Variants in QTRT2 observed in about 807,000 individuals in gnomAD.
The protein encoded by QTRT2 is queuine tRNA-ribosyltransferase domain containing 1.
In QTRT2, 32 loss-of-function variants were observed where a neutral mutation model predicts 44.8. That is an observed-to-expected ratio of 0.71 (90% CI 0.54 to 0.96). QTRT2 has a LOEUF of 0.96. Ranked by LOEUF, QTRT2 falls within the 40% of genes least tolerant of loss-of-function variation. The pLI is 0.00. For missense variants in QTRT2, 461 were observed against 503.1 expected (o/e 0.92, Z 0.80); for synonymous variants, 182 against 187.4 (o/e 0.97, Z 0.24).
At position 114,068,039 on chromosome 3, in the gene QTRT2, C is replaced by T. The variant is rs374681849; in HGVS notation, c.309C>T (p.Cys103=). 3.1e-5 allele frequency: 50 copies of T among 1,613,726 alleles called. No homozygotes were observed. In the Admixed American group the frequency reaches 8.2e-4, roughly 26 times the overall value. The change falls in exon 5 of 10, where the codon TGC becomes TGT. Residue 103 remains cysteine, a synonymous_variant. Coordinates refer to ENST00000281273, the MANE Select transcript of QTRT2 (RefSeq NM_024638.4). ...CCCTGCACGATCCAGTCAGCCCCTG[C>T]CCGGCTGGTTATGTAACAAACAAGG... The part of the protein sequence containing the change: ...YCSLHDPVSP[C]PAGYVTNKSV...
chr3:114,083,287 CTGT>C (rs1207398579), intron 9 of QTRT2, among the ~76,000 whole-genome samples: 37 of 144,678 alleles, frequency 2.6e-4, no homozygotes, highest in South Asian at 2.3e-3. Flanking sequence ...GTTGTTGTTG[CTGT>C]TGTTGTTGTT....
At chr3:114,076,338 GT>G (rs1451638897) in intron 6 of QTRT2, among the ~76,000 whole-genome samples, 6 of 151,892 alleles carry the variant, frequency 4.0e-5, no homozygotes, top group Non-Finnish European at 8.8e-5. Flanking sequence ...AGCTAATTTT[GT>G]TTTTTTATTT....
In QTRT2 at chr3:114,076,857, G is replaced by A. The variant is rs2077097914; in HGVS notation, c.661G>A (p.Gly221Ser). 1 of 1,614,068 alleles carries A rather than the reference G, an allele frequency of 6.2e-7. No homozygotes were observed. The highest frequency in any genetic ancestry group is 1.7e-5 in the Admixed American group (1 of 60,006). ...KRPVGGFLLD[G>S]FQGNPTTLEA... ...GCCTGTGGGTGGCTTCCTTCTGGATGGTTTTCAAGGAAATCCAACAACCCT... is the reference window on the plus strand; with the variant it reads ...GCCTGTGGGTGGCTTCCTTCTGGATAGTTTTCAAGGAAATCCAACAACCCT... The change falls in exon 7 of 10, where the codon GGT becomes AGT. Residue 221 changes from glycine (G) to serine (S), a missense_variant. Physicochemically the swap from Gly to Ser is moderately conservative, Grantham distance 56. Transcript: ENST00000281273.
intron 6 of QTRT2, among the ~76,000 whole-genome samples, chr3:114,075,756 G>A (rs2077082506): frequency 6.6e-6 from 1 of 152,002 alleles, no homozygotes; most frequent in Admixed American, 6.6e-5. Flanking sequence ...TGATCCACCT[G>A]CCTCGGCCTC....
At chr3:114,080,694 G>A (rs753799949) in intron 8 of QTRT2, among the ~76,000 whole-genome samples, 7 of 152,202 alleles carry the variant, frequency 4.6e-5, no homozygotes, top group Admixed American at 3.3e-4. Context: ...GGAGAGTGTC[G>A]CCTGCCCAGT....
chr3:114,076,029 AAC>A (rs1286968096), intron 6 of QTRT2, among the ~76,000 whole-genome samples: 1 of 152,192 alleles, frequency 6.6e-6, no homozygotes, highest in Non-Finnish European at 1.5e-5. Context: ...CAGTTGTCTC[AAC>A]AGTTTCTAAG....
chr3:114,064,730 A>G (rs916747160), intron 2 of QTRT2, among the ~76,000 whole-genome samples: 4 of 152,152 alleles, frequency 2.6e-5, no homozygotes, highest in African/African-American at 9.7e-5. Flanking sequence ...TTATTTTTCC[A>G]TATATTTTCA....
rs555649850 is a variant in QTRT2 at position 114,065,340 on chromosome 3, T to G, written c.83T>G (p.Met28Arg). ...KNLGKTGDHT[M>R]DIPGCLLYTK... The stretch of plus-strand genomic sequence containing the variant: ...CTGGGCAAAACAGGGGACCACACCA[T>G]GGATATTCCAGGCTGCCTTCTGTAT... Residue 28 changes from methionine (M) to arginine (R), a missense_variant, in exon 3 of 10, where the codon ATG (methionine) becomes AGG (arginine). Physicochemically the swap from Met to Arg is moderately conservative, Grantham distance 91. Transcript: ENST00000281273. 1 of 1,614,090 alleles carries G rather than the reference T, an allele frequency of 6.2e-7. No individual in the cohort carries two copies. The highest frequency in any genetic ancestry group is 2.2e-5 in the East Asian group (1 of 44,872).
chr3:114,081,552 C>T (rs1183589219), intron 8 of QTRT2, among the ~76,000 whole-genome samples: 4 of 152,142 alleles, frequency 2.6e-5, no homozygotes, highest in East Asian at 1.9e-4. Context: ...ATCCTCCCAC[C>T]TCAGCCTCCC....
chr3:114,077,578 T>C (rs796250652), intron 7 of QTRT2: 11 of 152,816 alleles, frequency 7.2e-5, no homozygotes, highest in African/African-American at 2.6e-4. Context: ...CCCACATTTT[T>C]TTTAATGGTT....
At chr3:114,057,341 C>T (rs1445320936) in intron 2 of QTRT2, 1 of 155,160 alleles carries the variant, frequency 6.4e-6, no homozygotes, top group Admixed American at 6.5e-5. Flanking sequence ...AATTCAACTA[C>T]TTTGTGGCTA....
At chr3:114,070,965 A>AT in intron 6 of QTRT2, 127 bp downstream of exon 6, 1 of 688,470 alleles carries the variant, frequency 1.5e-6, no homozygotes, top group Non-Finnish European at 2.4e-6. Flanking sequence ...TTTACTCTCT[A>AT]TTTTTATTTT....
intron 2 of QTRT2, among the ~76,000 whole-genome samples, chr3:114,060,541 T>TA (rs1559946213): frequency 1.4e-5 from 2 of 144,610 alleles, no homozygotes; most frequent in Admixed American, 1.4e-4. Flanking sequence ...GATAGATAGA[T>TA]AGATAAGATA....
intron 9 of QTRT2, 30 bp from the exon 10 acceptor site, chr3:114,085,643 T>G (rs769544858): frequency 6.3e-7 from 1 of 1,576,622 alleles, no homozygotes; most frequent in South Asian, 1.1e-5. Context: ...TTCCGTACTT[T>G]CTGGAATGTC....
At chr3:114,083,045 A>T in intron 9 of QTRT2, 1 of 451,312 alleles carries the variant, frequency 2.2e-6, no homozygotes, top group Non-Finnish European at 4.1e-6. Flanking sequence ...GATTAAACCA[A>T]ATCCATTGTT....
chr3:114,070,298 T>C (rs2077007427), intron 5 of QTRT2, among the ~76,000 whole-genome samples: 1 of 152,060 alleles, frequency 6.6e-6, no homozygotes, highest in African/African-American at 2.4e-5. Flanking sequence ...TACGGAACTG[T>C]CAGTCAAAAG....
intron 6 of QTRT2, 126 bp downstream of exon 6, chr3:114,070,964 T>A: frequency 1.4e-6 from 1 of 689,820 alleles, no homozygotes. Flanking sequence ...TTTTACTCTC[T>A]ATTTTTATTT....
Position 114,056,982 on chromosome 3 carries a change from T to A in QTRT2, c.-129-17T>A. 6.9e-7 allele frequency: 1 copy of A among 1,454,280 alleles called. No homozygotes were observed. The highest frequency in any genetic ancestry group is 9.0e-7 in the Non-Finnish European group (1 of 1,107,512). The allele number at this position is 1,454,280 out of a possible 1,614,324, so 90.1% of individuals were successfully genotyped here. A position where few individuals can be genotyped will look rare whatever the true frequency, so the allele number is the denominator to read the frequency against. ...GTGATTGTACTCCCGCCATGTCTCC[T>A]CTGCTTCCCTTTTCAGGGTGTCCTG... On this transcript the variant is annotated splice_polypyrimidine_tract_variant and intron_variant, in intron 1 of 9. Coordinates refer to ENST00000281273, the MANE Select transcript of QTRT2 (RefSeq NM_024638.4).
chr3:114,079,978 T>A lies in QTRT2; in HGVS notation c.819T>A (p.Ser273Arg), dbSNP rs763005927. 6.2e-7 allele frequency: 1 copy of A among 1,613,342 alleles called. No individual in the cohort carries two copies. The highest frequency in any genetic ancestry group is 1.7e-5 in the Admixed American group (1 of 59,948). ...CIERGVDLFE[S>R]FFPYQVTERG... is the part of the protein sequence containing the mutation. ...AAAGAGGAGTGGACTTATTTGAGAGTTTTTTCCCTTATCAAGTAACAGAGC... is the reference window on the plus strand; with the variant it reads ...AAAGAGGAGTGGACTTATTTGAGAGATTTTTCCCTTATCAAGTAACAGAGC... The change falls in exon 8 of 10, where the codon AGT (serine) becomes AGA (arginine). Residue 273 changes from serine (S) to arginine (R), a missense_variant. Coordinates refer to ENST00000281273, the MANE Select transcript of QTRT2 (RefSeq NM_024638.4).
Sources: gnomAD v4.1 joint callset for allele counts (sites outside exome capture counted in the v4.1 genomes callset) on GRCh38, gnomAD v4.1.1 for gene constraint, MANE v1.5 for transcripts, NCBI Gene and HGNC (gene_info 2026-07-23, HGNC 2026-07-21) for gene names.